LRRC43: variants seen among roughly 807,000 people sequenced by gnomAD.
LRRC43 encodes leucine-rich repeat-containing protein 43.
Under a neutral mutation model 64.3 loss-of-function variants are expected in LRRC43, and 62 were observed. The observed-to-expected ratio is 0.96, with a 90% confidence interval of 0.79 to 1.19. The LOEUF is 1.19. Ranked by LOEUF, LRRC43 falls within the 50% of genes most tolerant of loss-of-function variation. LRRC43 has a pLI of 0.00. For synonymous variants in LRRC43, 422 were observed against 382.3 expected, an observed-to-expected ratio of 1.10 and a Z score of -1.21; for missense variants, 868 against 845.0, an observed-to-expected ratio of 1.03 and a Z score of -0.34.
intron 7 of LRRC43, among the ~76,000 whole-genome samples, chr12:122,199,009 T>G (rs1218056693): frequency 1.3e-5 from 2 of 149,746 alleles, no homozygotes; most frequent in Non-Finnish European, 3.0e-5. Context: ...GAGACAGAGT[T>G]GCTCTGTCAG....
intron 4 of LRRC43, among the ~76,000 whole-genome samples, chr12:122,188,234 G>A (rs1226967583): frequency 6.6e-6 from 1 of 152,032 alleles, no homozygotes; most frequent in Non-Finnish European, 1.5e-5. Flanking sequence ...AGCCTCCCGA[G>A]TAGCTGGGAC....
chr12:122,182,005 T>C (rs1953585850), upstream of LRRC43, among the ~76,000 whole-genome samples: 1 of 152,202 alleles, frequency 6.6e-6, no homozygotes. Context: ...CAGAACCTGA[T>C]GCCCAGTGTG....
Position 122,192,820 on chromosome 12 carries a change from G to C in LRRC43, c.1165G>C (p.Asp389His). ...AGAGGTCGTGGAAGACGTCATCGAAGACATTGTTGAAGAGGTTACTGAAGA... is the reference window on the plus strand; with the variant it reads ...AGAGGTCGTGGAAGACGTCATCGAACACATTGTTGAAGAGGTTACTGAAGA... The part of the protein sequence containing the change: ...PEEVVEDVIE[D>H]IVEEVTEEVE... Residue 389 changes from aspartate (D) to histidine (H), a missense_variant, in exon 7 of 12, where the codon GAC becomes CAC. Coordinates refer to ENST00000339777, the MANE Select transcript of LRRC43 (RefSeq NM_001098519.2). 1 of 1,614,188 alleles carries C rather than the reference G, an allele frequency of 6.2e-7. No individual in the cohort carries two copies.
At position 122,184,071 on chromosome 12, in the gene LRRC43, A is replaced by G. The variant is rs181303545; in HGVS notation, c.151-448A>G. On this transcript the variant is annotated intron_variant, in intron 1 of 11. Transcript: ENST00000339777. This position sits in a 1 kb window ranked among gnomAD's most constrained non-coding sequence, Gnocchi z 4.0. ...ATATCCATGGCTAATAATCCATCAA[A>G]ATTATTGATTATTCACTGTCTAGAT... Among the ~76,000 whole-genome samples the G allele has an allele frequency of 4.6e-5, 7 of 151,436 alleles. No homozygotes were observed. The highest frequency in any genetic ancestry group is 4.4e-5 in the Non-Finnish European group (3 of 67,962).
At position 122,184,555 on chromosome 12, in the gene LRRC43, TGGAG is replaced by T; in HGVS notation, c.192_195del (p.Arg64SerfsTer10). ...CTTTCTTCCTCAAACTTGGCGAACT[TGGAG>T]GGAGCTTGTCCCCAGAGAGGAGGAT... On this transcript the variant is annotated frameshift_variant, in exon 2 of 12. Coordinates refer to ENST00000339777, the MANE Select transcript of LRRC43 (RefSeq NM_001098519.2). LOFTEE classifies it high-confidence loss of function. The surrounding 1 kb of genome is among the most constrained non-coding windows in gnomAD (Gnocchi z 4.0). The T allele has an allele frequency of 6.2e-7, 1 of 1,613,756 alleles. No individual in the cohort carries two copies. Among genetic ancestry groups the T allele is most frequent in the Non-Finnish European group, 8.5e-7 (1 of 1,179,814 alleles).
At chr12:122,191,633 C>G (rs927762859) in intron 6 of LRRC43, 66 bp downstream of exon 6, 1 of 1,223,508 alleles carries the variant, frequency 8.2e-7, no homozygotes, top group Non-Finnish European at 1.1e-6. Context: ...TTTGTGGGCC[C>G]CAGGAAAATC....
chr12:122,200,763 G>C lies in LRRC43; in HGVS notation c.1638G>C (p.Lys546Asn). Reference protein sequence around the residue: ...KEPAKEWKVLKKKKEPPKELR... With the variant: ...KEPAKEWKVLNKKKEPPKELR... ...CGTCGCAGGAGTGGAAGGTGCTGAA[G>C]AAGAAGAAAGAGCCGCCCAAGGAGC... Residue 546 changes from lysine (K) to asparagine (N), a missense_variant, in exon 10 of 12, where the codon AAG becomes AAC. By Grantham distance (94) the Lys-to-Asn change is moderately conservative. Transcript: ENST00000339777. This position sits in a 1 kb window ranked among gnomAD's most constrained non-coding sequence, Gnocchi z 4.6. The C allele has an allele frequency of 6.2e-7, 1 of 1,612,858 alleles. No individual in the cohort carries two copies. Among genetic ancestry groups the C allele is most frequent in the Non-Finnish European group, 8.5e-7 (1 of 1,180,004 alleles).
chr12:122,195,563 C>T (rs948263923), intron 7 of LRRC43, among the ~76,000 whole-genome samples: 8 of 152,084 alleles, frequency 5.3e-5, no homozygotes, highest in Non-Finnish European at 8.8e-5. Flanking sequence ...TTGAATATGT[C>T]GCCAGCCTGC....
rs771628026 is a variant in LRRC43, at chr12:122,184,734, C to T, written c.366C>T (p.Thr122=). ...AIRNPLTITD[T]FFYSYFRSLR... is the part of the protein sequence containing the mutation. Reference sequence around the variant, plus strand: ...GGAACCCGCTGACGATCACAGACACCTTCTTCTACTCCTACTTCCGGTCCC... The same window carrying T: ...GGAACCCGCTGACGATCACAGACACTTTCTTCTACTCCTACTTCCGGTCCC... The change falls in exon 2 of 12, where the codon ACC becomes ACT. Residue 122 remains threonine, a synonymous_variant. Coordinates refer to ENST00000339777, the MANE Select transcript of LRRC43 (RefSeq NM_001098519.2). This position sits in a 1 kb window ranked among gnomAD's most constrained non-coding sequence, Gnocchi z 4.0. 9 of 1,612,692 alleles carry T rather than the reference C, an allele frequency of 5.6e-6. No homozygotes were observed. Among genetic ancestry groups the T allele is most frequent in the Non-Finnish European group, 7.6e-6 (9 of 1,179,420 alleles).
At chr12:122,178,582 CTTTTTTTTTTTTTTTT>C (rs57204293), upstream of LRRC43, among the ~76,000 whole-genome samples, 1 of 60,732 alleles carries the variant, frequency 1.6e-5, no homozygotes, top group Non-Finnish European at 2.8e-5. Context: ...AGGTGGCTTT[CTTTTTTTTTTTTTTTT>C]TTTTTTTTTT....
At chr12:122,175,024 G>T (rs772982014) in intron 1 of LRRC43, among the ~76,000 whole-genome samples, 1 of 151,992 alleles carries the variant, frequency 6.6e-6, no homozygotes, top group East Asian at 1.9e-4. Context: ...ATTTTTAGTA[G>T]AAATGGGGTT....
At position 122,169,113 on chromosome 12, in the gene LRRC43, C is replaced by T. The variant is rs548525789; in HGVS notation, c.-406+1331C>T. Among the ~76,000 whole-genome samples the T allele has an allele frequency of 2.1e-3, 314 of 152,262 alleles. 2 individuals are homozygous for T. The highest frequency in any genetic ancestry group is 7.2e-3 in the African/African-American group (297 of 41,528). The stretch of plus-strand genomic sequence containing the variant: ...GTCTGAGATGCATCTCCCCTGCCAC[C>T]TTACCGTATTCCCTCTTGTGCTCTG... On this transcript the variant is annotated intron_variant, in intron 1 of 5. Coordinates refer to the LRRC43 transcript ENST00000537729.
chr12:122,173,746 C>T (rs769730075), intron 1 of LRRC43: 7 of 1,040,832 alleles, frequency 6.7e-6, no homozygotes, highest in South Asian at 1.5e-5. Flanking sequence ...GGCATAGCTA[C>T]AGCCCTGGTT....
chr12:122,173,883 G>A lies in LRRC43; in HGVS notation c.-406+6101G>A, dbSNP rs774112007. The A allele has an allele frequency of 7.4e-6, 12 of 1,614,026 alleles. No individual in the cohort carries two copies. The South Asian group carries it at 7.7e-5, about 10-fold the overall frequency. ...TCTTCGAGAGGGACTGTAATTCCTC[G>A]ACTATTTTCTGTACATCATCACTTG... On this transcript the variant is annotated intron_variant, in intron 1 of 5. Coordinates refer to the LRRC43 transcript ENST00000537729.
At chr12:122,190,448 C>T (rs957302653) in intron 5 of LRRC43, 80 bp downstream of exon 5, 22 of 1,139,322 alleles carry the variant, frequency 1.9e-5, no homozygotes, top group Admixed American at 1.1e-4. Flanking sequence ...CTCCTGGGTC[C>T]GTGTACCCGT....
rs1256624018 is a variant in LRRC43, at chr12:122,187,754, C to A, written c.576C>A (p.His192Gln). 6.2e-7 allele frequency: 1 copy of A among 1,613,996 alleles called. No individual in the cohort carries two copies. The highest frequency in any genetic ancestry group is 1.1e-5 in the South Asian group (1 of 91,070). ...GCAGCATGGAGTGTCTGTGTGCCCACCCACCCGCCGGCCTGCAGCACTTGG... is the reference window on the plus strand; with the variant it reads ...GCAGCATGGAGTGTCTGTGTGCCCAACCACCCGCCGGCCTGCAGCACTTGG... The part of the protein sequence containing the change: ...EISSMECLCA[H>Q]PPAGLQHLGL... The change falls in exon 4 of 12, where the codon CAC becomes CAA. Residue 192 changes from histidine (H) to glutamine (Q), a missense_variant. By Grantham distance (24) the His-to-Gln change is conservative. Coordinates refer to ENST00000339777, the MANE Select transcript of LRRC43 (RefSeq NM_001098519.2).
rs1472174034 is a variant in LRRC43 at position 122,190,214 on chromosome 12, C to G, written c.747C>G (p.His249Gln). ...TCACCAGCCTGAGGACCCTCCGGCA[C>G]CTGCGACTCCTGGTGCTGCAGGGAA... ...SMVTSLRTLR[H>Q]LRLLVLQGNP... Residue 249 changes from histidine (H) to glutamine (Q), a missense_variant, in exon 5 of 12, where the codon CAC becomes CAG. By Grantham distance (24) the His-to-Gln change is conservative. Coordinates refer to ENST00000339777, the MANE Select transcript of LRRC43 (RefSeq NM_001098519.2). 2 of 1,614,110 alleles carry G rather than the reference C, an allele frequency of 1.2e-6. No homozygotes were observed. Among genetic ancestry groups the G allele is most frequent in the Non-Finnish European group, 1.7e-6 (2 of 1,179,982 alleles).
intron 3 of LRRC43, among the ~76,000 whole-genome samples, chr12:122,187,112 TAGC>T (rs768571987): frequency 6.6e-6 from 1 of 150,706 alleles, no homozygotes; most frequent in Non-Finnish European, 1.5e-5. Flanking sequence ...GTGCCTGTAA[TAGC>T]AGCTACTCAG....
At chr12:122,177,476 AGTGTGTGTGTGTGTGTGTGT>A (rs67103998) in intron 1 of LRRC43, among the ~76,000 whole-genome samples, 3,326 of 143,588 alleles carry the variant, frequency 0.023, 115 homozygotes, top group African/African-American at 0.078. Flanking sequence ...TGAGAGAGAA[AGTGTGTGTGTGTGTGTGTGT>A]GTGTGTGTGT....
Sources: allele counts gnomAD v4.1 joint callset (sites outside exome capture counted in the v4.1 genomes callset), GRCh38; gene constraint gnomAD v4.1.1; non-coding constraint Gnocchi (gnomAD v3.1); transcripts MANE v1.5; gene names NCBI Gene and HGNC (gene_info 2026-07-23, HGNC 2026-07-21).